FHIT: variants seen among roughly 807,000 people sequenced by gnomAD.
FHIT encodes bis(5'-adenosyl)-triphosphatase.
FHIT carries 19 observed loss-of-function variants against 17.9 expected under a neutral mutation model. That is an observed-to-expected ratio of 1.06 (90% CI 0.74 to 1.56). The LOEUF (loss-of-function observed/expected upper bound fraction) is 1.56. Ranked by LOEUF, FHIT falls within the 40% of genes most tolerant of loss-of-function variation. The pLI is 0.00. For synonymous variants in FHIT, 81 were observed against 69.7 expected, an observed-to-expected ratio of 1.16 and a Z score of -0.81; for missense variants, 248 against 189.2, an observed-to-expected ratio of 1.31 and a Z score of -1.82.
At chr3:61,185,969 CT>C (rs2038495667) in intron 2 of FHIT, among the ~76,000 whole-genome samples, 1 of 152,002 alleles carries the variant, frequency 6.6e-6, no homozygotes, top group Non-Finnish European at 1.5e-5. Context: ...TAGACTGAAC[CT>C]TACAAAAAAG....
chr3:61,191,317 G>A (rs2038710186), intron 2 of FHIT, among the ~76,000 whole-genome samples: 1 of 152,088 alleles, frequency 6.6e-6, no homozygotes, highest in South Asian at 2.1e-4. Flanking sequence ...CCCTGTTTCT[G>A]CTTCACTGTG....
intron 7 of FHIT, among the ~76,000 whole-genome samples, chr3:59,939,660 G>C (rs1214032052): frequency 1.3e-5 from 2 of 152,190 alleles, no homozygotes; most frequent in Non-Finnish European, 2.9e-5. Flanking sequence ...GGACACTGCT[G>C]AGCCCTGGCT....
chr3:60,018,996 A>G (rs1257276470), intron 5 of FHIT, among the ~76,000 whole-genome samples: 1 of 152,042 alleles, frequency 6.6e-6, no homozygotes, highest in Non-Finnish European at 1.5e-5. Context: ...AACAACAACA[A>G]CAACAAACCA....
chr3:60,545,091 T>A (rs1184870426), intron 4 of FHIT, among the ~76,000 whole-genome samples: 1 of 14,178 alleles, frequency 7.1e-5, no homozygotes, highest in Non-Finnish European at 1.1e-4. Flanking sequence ...GTTTTCTGAT[T>A]TACTAAAGAT....
At chr3:60,921,433 C>T (rs1707273583) in intron 3 of FHIT, among the ~76,000 whole-genome samples, 1 of 152,160 alleles carries the variant, frequency 6.6e-6, no homozygotes, top group African/African-American at 2.4e-5. Context: ...AGTGCCTTCA[C>T]TTAAGGAGGG....
At chr3:60,077,056 A>T (rs1703040083) in intron 5 of FHIT, among the ~76,000 whole-genome samples, 1 of 110,670 alleles carries the variant, frequency 9.0e-6, no homozygotes, top group Non-Finnish European at 2.1e-5. Context: ...AAAACTTAGT[A>T]GACAGAAATA....
chr3:60,905,116 A>T (rs1471072751), intron 3 of FHIT, among the ~76,000 whole-genome samples: 3 of 152,152 alleles, frequency 2.0e-5, no homozygotes, highest in African/African-American at 7.2e-5. Context: ...TATTACTCTA[A>T]CATAAGAGGT....
At chr3:59,758,550 G>A (rs913869071) in intron 8 of FHIT, among the ~76,000 whole-genome samples, 3 of 152,152 alleles carry the variant, frequency 2.0e-5, no homozygotes, top group African/African-American at 7.2e-5. Flanking sequence ...CCCTCTGACT[G>A]TTCAAGAATA....
intron 4 of FHIT, among the ~76,000 whole-genome samples, chr3:60,652,302 G>A (rs1333548185): frequency 1.3e-5 from 2 of 152,152 alleles, no homozygotes; most frequent in African/African-American, 4.8e-5. Flanking sequence ...TATCATTAGT[G>A]TTAAAACCTC....
At chr3:60,817,231 G>C (rs1359533178) in intron 4 of FHIT, among the ~76,000 whole-genome samples, 3 of 151,912 alleles carry the variant, frequency 2.0e-5, no homozygotes, top group Non-Finnish European at 4.4e-5. Context: ...ACAAGACAAT[G>C]TTATAATTTT....
intron 5 of FHIT, among the ~76,000 whole-genome samples, chr3:60,075,045 T>A (rs2736760): frequency 0.72 from 109,198 of 151,930 alleles, 40,318 homozygotes; most frequent in African/African-American, 0.8. Context: ...AGCCAGTTTC[T>A]GCCCCCCTAA....
At chr3:60,850,022 C>T (rs1169563476) in intron 3 of FHIT, among the ~76,000 whole-genome samples, 1 of 152,038 alleles carries the variant, frequency 6.6e-6, no homozygotes, top group African/African-American at 2.4e-5. Context: ...TCCATGAGCC[C>T]AGGCGATGTC....
At chr3:60,924,743 G>C (rs1261088752) in intron 3 of FHIT, among the ~76,000 whole-genome samples, 1 of 152,082 alleles carries the variant, frequency 6.6e-6, no homozygotes, top group Admixed American at 6.5e-5. Flanking sequence ...GAAGGCTTCA[G>C]ACGATCAAAC....
chr3:60,978,510 A>T (rs1302901292), intron 3 of FHIT, among the ~76,000 whole-genome samples: 1 of 152,196 alleles, frequency 6.6e-6, no homozygotes, highest in Non-Finnish European at 1.5e-5. Flanking sequence ...CAGTAAAGAG[A>T]AATAAAGCAT....
At chr3:60,231,373 T>C (rs367927329) in intron 5 of FHIT, among the ~76,000 whole-genome samples, 1 of 152,186 alleles carries the variant, frequency 6.6e-6, no homozygotes, top group African/African-American at 2.4e-5. Context: ...CTGAACACTT[T>C]CATGTAACCA....
intron 7 of FHIT, among the ~76,000 whole-genome samples, chr3:59,996,239 C>G (rs1699506219): frequency 6.6e-6 from 1 of 152,100 alleles, no homozygotes; most frequent in Non-Finnish European, 1.5e-5. Context: ...AAATAGCTAA[C>G]AGTGGACAGC....
At chr3:61,229,898 T>C (rs1249322645) in intron 1 of FHIT, among the ~76,000 whole-genome samples, 2 of 152,112 alleles carry the variant, frequency 1.3e-5, no homozygotes, top group African/African-American at 4.8e-5. Context: ...TTTGGGAGGC[T>C]GGAATAAACA....
At position 60,359,184 on chromosome 3, in the gene FHIT, A is replaced by T. The variant is rs191656431; in HGVS notation, c.103+177676T>A. ...ACAGCAGAGATTTTCCACATCACAG[A>T]ACAGAGTAGACTGGCTTGACTTCAT... On this transcript the variant is annotated intron_variant, in intron 5 of 9. Transcript: ENST00000492590. 3.9e-3 allele frequency among the ~76,000 whole-genome samples: 588 copies of T among 152,230 alleles called. 4 individuals are homozygous for T. Among genetic ancestry groups the T allele is most frequent in the African/African-American group, 0.013 (533 of 41,546 alleles).
intron 5 of FHIT, among the ~76,000 whole-genome samples, chr3:60,055,349 A>C (rs1702038897): frequency 6.6e-6 from 1 of 152,172 alleles, no homozygotes; most frequent in Non-Finnish European, 1.5e-5. Flanking sequence ...ACTGTCCTAC[A>C]TACATGGATG....
Sources: gnomAD v4.1 joint callset for allele counts (sites outside exome capture counted in the v4.1 genomes callset) on GRCh38, gnomAD v4.1.1 for gene constraint, MANE v1.5 for transcripts, NCBI Gene and HGNC (gene_info 2026-07-23, HGNC 2026-07-21) for gene names.